CLIC4: variants seen among roughly 807,000 people sequenced by gnomAD.
The protein encoded by CLIC4 is CLIC family member 4.
A neutral mutation model predicts 24.6 loss-of-function variants in CLIC4; 13 were observed. The ratio of observed to expected loss-of-function variants is 0.53; its 90% confidence interval spans 0.34 to 0.84. The LOEUF is 0.84. Ranked by LOEUF, CLIC4 falls within the 40% of genes least tolerant of loss-of-function variation. The pLI, the probability that CLIC4 is intolerant of heterozygous loss-of-function variation, is 0.01. For missense variants in CLIC4, 227 were observed against 301.7 expected, an observed-to-expected ratio of 0.75 and a Z score of 1.83; for synonymous variants, 104 against 111.3, an observed-to-expected ratio of 0.93 and a Z score of 0.41.
intron 4 of CLIC4, among the ~76,000 whole-genome samples, chr1:24,836,819 T>C (rs563879996): frequency 6.6e-6 from 1 of 152,278 alleles, no homozygotes; most frequent in Admixed American, 6.5e-5. Context: ...GCCTGGGTGA[T>C]AGGAGTGAAA....
chr1:24,796,948 A>G (rs1639411352), intron 1 of CLIC4, among the ~76,000 whole-genome samples: 1 of 149,952 alleles, frequency 6.7e-6, no homozygotes, highest in Admixed American at 6.6e-5. Context: ...TTTTTATTTT[A>G]TTTATTTATT....
intron 2 of CLIC4, among the ~76,000 whole-genome samples, chr1:24,812,535 T>C (rs1414590462): frequency 6.6e-6 from 1 of 152,194 alleles, no homozygotes; most frequent in African/African-American, 2.4e-5. Flanking sequence ...CCAAAATCTT[T>C]TTTCCCTCCT....
At chr1:24,811,841 A>G (rs760536642) in intron 2 of CLIC4, among the ~76,000 whole-genome samples, 5 of 152,204 alleles carry the variant, frequency 3.3e-5, no homozygotes, top group Admixed American at 6.5e-5. Context: ...TCATGGTGCC[A>G]TAGGAAACAC....
chr1:24,808,321 G>A (rs1403720780), intron 2 of CLIC4, among the ~76,000 whole-genome samples: 1 of 152,100 alleles, frequency 6.6e-6, no homozygotes, highest in Non-Finnish European at 1.5e-5. Context: ...AGATGCTCAA[G>A]TTTCTTATAT....
chr1:24,798,314 T>C (rs780141023), intron 2 of CLIC4, among the ~76,000 whole-genome samples: 1 of 152,242 alleles, frequency 6.6e-6, no homozygotes, highest in Non-Finnish European at 1.5e-5. Context: ...ATAACAGTAA[T>C]TTTCTATAGC....
In CLIC4 at chr1:24,842,435, C is replaced by T. The variant is rs1372723975; in HGVS notation, c.*1498C>T. On this transcript the variant is annotated 3_prime_UTR_variant, in exon 6 of 6. Coordinates refer to ENST00000374379, the MANE Select transcript of CLIC4 (RefSeq NM_013943.3). The stretch of plus-strand genomic sequence containing the variant: ...CTAATTTGTATAGGAAGTGCTATTT[C>T]TCATAGGCTGTTTCTTGAAATTTTA... 1 of 152,064 alleles carries T rather than the reference C, an allele frequency of 6.6e-6. No individual in the cohort carries two copies. The highest frequency in any genetic ancestry group is 1.5e-5 in the Non-Finnish European group (1 of 67,990). 9.4% of individuals were successfully genotyped at this position (152,064 alleles called of 1,614,324 possible).
intron 1 of CLIC4, among the ~76,000 whole-genome samples, chr1:24,779,089 T>TA (rs890561240): frequency 4.0e-4 from 61 of 152,196 alleles, no homozygotes; most frequent in Non-Finnish European, 8.2e-4. Flanking sequence ...GTATAAACAT[T>TA]AAAAAAATAA....
intron 1 of CLIC4, among the ~76,000 whole-genome samples, chr1:24,747,803 G>A (rs1185244905): frequency 3.3e-5 from 5 of 151,998 alleles, no homozygotes; most frequent in Non-Finnish European, 7.4e-5. Context: ...GGGATGCCGA[G>A]ATGGGGAGAT....
At chr1:24,749,517 C>A (rs1358955913) in intron 1 of CLIC4, among the ~76,000 whole-genome samples, 1 of 152,206 alleles carries the variant, frequency 6.6e-6, no homozygotes, top group African/African-American at 2.4e-5. Context: ...AGCTGCATTT[C>A]CTTCCTTGTG....
chr1:24,828,718 G>A (rs1639811959), intron 4 of CLIC4, among the ~76,000 whole-genome samples: 1 of 151,964 alleles, frequency 6.6e-6, no homozygotes, highest in Non-Finnish European at 1.5e-5. Context: ...GAATAAAAAG[G>A]TTAGAAAGTG....
At chr1:24,805,111 A>AAC in intron 2 of CLIC4, among the ~76,000 whole-genome samples, 1 of 151,146 alleles carries the variant, frequency 6.6e-6, no homozygotes, top group South Asian at 2.1e-4. Flanking sequence ...AAAAACACAA[A>AAC]AACAAAGACA....
intron 1 of CLIC4, among the ~76,000 whole-genome samples, chr1:24,767,023 C>CT (rs1639008012): frequency 2.5e-5 from 1 of 39,420 alleles, no homozygotes; most frequent in African/African-American, 1.3e-4. Context: ...AGCTGATGAG[C>CT]TAAAAAAAAA....
intron 2 of CLIC4, among the ~76,000 whole-genome samples, chr1:24,804,228 G>C (rs1639520699): frequency 6.6e-6 from 1 of 151,938 alleles, no homozygotes; most frequent in Non-Finnish European, 1.5e-5. Context: ...AGACAGGAAA[G>C]TCAGACTCCA....
At chr1:24,748,339 G>A (rs1296095471) in intron 1 of CLIC4, among the ~76,000 whole-genome samples, 2 of 151,980 alleles carry the variant, frequency 1.3e-5, no homozygotes, top group African/African-American at 4.8e-5. Flanking sequence ...CAGAGAATCA[G>A]GGTTCAAGTC....
At chr1:24,827,253 T>G (rs536510001) in intron 4 of CLIC4, 137 bp downstream of exon 4, 31 of 584,940 alleles carry the variant, frequency 5.3e-5, no homozygotes, top group African/African-American at 4.5e-4. Flanking sequence ...CTTTCAGAGT[T>G]GGTCAGAAAT....
rs968310651 is a variant in CLIC4 at position 24,837,842 on chromosome 1, G to A, written c.416-2018G>A. Among the ~76,000 whole-genome samples the A allele has an allele frequency of 2.0e-5, 3 of 152,108 alleles. No individual in the cohort carries two copies. In the South Asian group the frequency reaches 6.2e-4, roughly 32 times the overall value. ...TAGCCTGGCTAACATGGTGAAACCC[G>A]GTCTTCTCCGCAGACTATTCCTCCT... is the stretch of plus-strand genomic sequence containing the variant. On this transcript the variant is annotated intron_variant, in intron 4 of 5. Transcript: ENST00000374379.
In CLIC4 at chr1:24,756,125, G is replaced by A. The variant is rs189133950; in HGVS notation, c.72+10500G>A. ...CGCCATTCTCCTGCCTCAGCCTCCC[G>A]AGTAGCTGGGACTACAGGCGCCCGC... On this transcript the variant is annotated intron_variant, in intron 1 of 5. Transcript: ENST00000374379. Among the ~76,000 whole-genome samples, 33 of 149,754 alleles carry A rather than the reference G, an allele frequency of 2.2e-4. 1 individual carries two copies. In the East Asian group the frequency reaches 3.4e-3, roughly 15 times the overall value.
intron 1 of CLIC4, among the ~76,000 whole-genome samples, chr1:24,760,071 A>G (rs557962620): frequency 1.3e-5 from 2 of 152,138 alleles, no homozygotes; most frequent in African/African-American, 2.4e-5. Flanking sequence ...TCTTGCCTCA[A>G]ATTTTAAATA....
chr1:24,758,582 G>A (rs1362371231), intron 1 of CLIC4, among the ~76,000 whole-genome samples: 3 of 151,764 alleles, frequency 2.0e-5, no homozygotes, highest in East Asian at 1.9e-4. Flanking sequence ...TCAGCCTCCC[G>A]ACTGGCTGGG....
Sources: gnomAD v4.1 joint callset for allele counts (sites outside exome capture counted in the v4.1 genomes callset) on GRCh38, gnomAD v4.1.1 for gene constraint, MANE v1.5 for transcripts, NCBI Gene and HGNC (gene_info 2026-07-23, HGNC 2026-07-21) for gene names.